The following ENAH variants were observed in gnomAD, a reference collection of about 807,000 sequenced individuals.
The protein encoded by ENAH is protein enabled homolog.
Under a neutral mutation model 78.7 loss-of-function variants are expected in ENAH, and 23 were observed. The ratio of observed to expected loss-of-function variants is 0.29; its 90% CI spans 0.21 to 0.41. The LOEUF is 0.41. Among genes scored for constraint, ENAH ranks in the 10% least tolerant of loss-of-function variants. ENAH has a pLI of 1.00. For synonymous variants in ENAH, 226 were observed against 241.0 expected (o/e 0.94, Z 0.58); for missense variants, 544 against 691.0 (o/e 0.79, Z 2.39).
intron 1 of ENAH, among the ~76,000 whole-genome samples, chr1:225,636,503 G>A (rs1660084348): frequency 6.6e-6 from 1 of 152,112 alleles, no homozygotes. Context: ...ATATAAAATT[G>A]TTTAAAGTAC....
At chr1:225,538,324 A>T (rs62764360) in intron 3 of ENAH, among the ~76,000 whole-genome samples, 1 of 148,006 alleles carries the variant, frequency 6.8e-6, no homozygotes, top group African/African-American at 2.5e-5. Flanking sequence ...TTGCTGCATT[A>T]AAAAAAAAAG....
intron 1 of ENAH, among the ~76,000 whole-genome samples, chr1:225,589,321 T>C (rs1463750855): frequency 1.3e-5 from 2 of 152,198 alleles, no homozygotes; most frequent in East Asian, 3.8e-4. Flanking sequence ...AAAATATATA[T>C]AAGCATTATT....
Position 225,607,465 on chromosome 1 carries a change from A to G in ENAH, c.6-40051T>C, listed in dbSNP as rs562353566. ...TCTAGCAGAATTACTGAGGGAATGT[A>G]CCAAGAATAAAGCCTAGAAAAGTTC... is the stretch of plus-strand genomic sequence containing the variant. On this transcript the variant is annotated intron_variant, in intron 1 of 13. Coordinates refer to ENST00000366843, the MANE Select transcript of ENAH (RefSeq NM_018212.6). Among the ~76,000 whole-genome samples, 26 of 151,412 alleles carry G rather than the reference A, an allele frequency of 1.7e-4. No individual in the cohort carries two copies. The South Asian group carries it at 5.4e-3, about 32-fold the overall frequency.
chr1:225,624,337 A>G (rs1170938835), intron 1 of ENAH, among the ~76,000 whole-genome samples: 1 of 152,096 alleles, frequency 6.6e-6, no homozygotes, highest in African/African-American at 2.4e-5. Flanking sequence ...TTTAAAAATA[A>G]ATATGGCCAG....
chr1:225,510,558 G>C (rs1217119925), intron 10 of ENAH, among the ~76,000 whole-genome samples: 1 of 152,076 alleles, frequency 6.6e-6, no homozygotes. Flanking sequence ...GTCCTATTCA[G>C]AGGGAAAACA....
chr1:225,505,451 G>A (rs1211332629), intron 11 of ENAH, among the ~76,000 whole-genome samples: 1 of 152,120 alleles, frequency 6.6e-6, no homozygotes, highest in Non-Finnish European at 1.5e-5. Context: ...ATAGTTTAAA[G>A]CATTTTTAAC....
intron 11 of ENAH, among the ~76,000 whole-genome samples, chr1:225,502,179 A>T (rs1232145579): frequency 6.6e-6 from 1 of 152,186 alleles, no homozygotes; most frequent in Non-Finnish European, 1.5e-5. Flanking sequence ...GTTCCTGAAG[A>T]TTAAACACTG....
chr1:225,596,341 G>T (rs146463512), intron 1 of ENAH, among the ~76,000 whole-genome samples: 3 of 152,140 alleles, frequency 2.0e-5, no homozygotes, highest in Non-Finnish European at 2.9e-5. Flanking sequence ...ATCCTTCTAC[G>T]AGTCAGAACT....
chr1:225,547,470 T>C (rs1362559642), intron 3 of ENAH, among the ~76,000 whole-genome samples: 3 of 152,166 alleles, frequency 2.0e-5, no homozygotes, highest in Non-Finnish European at 4.4e-5. Context: ...TGGTTTCCTG[T>C]TTAAATTCAC....
intron 1 of ENAH, among the ~76,000 whole-genome samples, chr1:225,638,745 C>T (rs1196565931): frequency 3.3e-5 from 5 of 152,078 alleles, no homozygotes; most frequent in East Asian, 1.9e-4. Context: ...AAAGATCTAA[C>T]GGCTCACAGC....
intron 1 of ENAH, among the ~76,000 whole-genome samples, chr1:225,632,751 C>T (rs1020277356): frequency 6.6e-6 from 1 of 152,222 alleles, no homozygotes; most frequent in African/African-American, 2.4e-5. Context: ...AGGGGTTCAA[C>T]TATTCTTTAA....
intron 1 of ENAH, among the ~76,000 whole-genome samples, chr1:225,629,036 T>C (rs915844836): frequency 2.0e-5 from 3 of 151,922 alleles, no homozygotes; most frequent in African/African-American, 7.3e-5. Context: ...TCCCAGGACT[T>C]TGGGAGGCCG....
chr1:225,621,648 C>T (rs746065925), intron 1 of ENAH, among the ~76,000 whole-genome samples: 6 of 152,268 alleles, frequency 3.9e-5, no homozygotes, highest in Non-Finnish European at 5.9e-5. Flanking sequence ...CATAATGGCC[C>T]AGTCACTCAA....
At chr1:225,568,687 C>A (rs2096746790) in intron 1 of ENAH, among the ~76,000 whole-genome samples, 1 of 152,290 alleles carries the variant, frequency 6.6e-6, no homozygotes, top group South Asian at 2.1e-4. Context: ...TCACACTCTC[C>A]CCTCTTGCTC....
chr1:225,594,745 T>C lies in ENAH; in HGVS notation c.6-27331A>G, dbSNP rs187800639. On this transcript the variant is annotated intron_variant, in intron 1 of 13. Coordinates refer to ENST00000366843, the MANE Select transcript of ENAH (RefSeq NM_018212.6). ...ACCACTATTTTAATCTTTTTAAACT[T>C]TCTTTAGTAGAGATCACTTTCAATG... Among the ~76,000 whole-genome samples the C allele has an allele frequency of 3.3e-5, 5 of 152,358 alleles. No homozygotes were observed. The East Asian group carries it at 7.7e-4, about 23-fold the overall frequency.
In ENAH at chr1:225,534,397, CCTTTT is replaced by C. The variant is rs563700659; in HGVS notation, c.350-3764_350-3760del. On this transcript the variant is annotated intron_variant, in intron 3 of 13. Transcript: ENST00000366843. ...TTTAAGTGACTAACAAATACATTAG[CCTTTT>C]CTTTTCTTTCCTTTTTTCTTTTTTT... Among the ~76,000 whole-genome samples the C allele has an allele frequency of 6.6e-5, 10 of 152,160 alleles. No homozygotes were observed. The South Asian group carries it at 1.7e-3, about 25-fold the overall frequency.
At chr1:225,587,234 G>A (rs1240468208) in intron 1 of ENAH, among the ~76,000 whole-genome samples, 9 of 151,976 alleles carry the variant, frequency 5.9e-5, no homozygotes, top group Admixed American at 2.6e-4. Context: ...GGACAGAAAG[G>A]GAAAATAGCC....
intron 1 of ENAH, among the ~76,000 whole-genome samples, chr1:225,608,220 G>GAAAAAAAAA (rs60998592): frequency 3.9e-4 from 36 of 91,286 alleles, no homozygotes; most frequent in Non-Finnish European, 5.2e-4. Flanking sequence ...ATAAAAAACA[G>GAAAAAAAAA]AAAAAAAAAA....
chr1:225,612,407 G>A (rs904092773), intron 1 of ENAH, among the ~76,000 whole-genome samples: 1 of 152,182 alleles, frequency 6.6e-6, no homozygotes, highest in African/African-American at 2.4e-5. Flanking sequence ...CAGATTCATG[G>A]CTGCCAGGGG....
Sources: allele counts gnomAD v4.1 joint callset (sites outside exome capture counted in the v4.1 genomes callset), GRCh38; gene constraint gnomAD v4.1.1; transcripts MANE v1.5; gene names NCBI Gene and HGNC (gene_info 2026-07-23, HGNC 2026-07-21).